The following CEP112 variants were observed in gnomAD, a reference collection of about 807,000 sequenced individuals.
The protein encoded by CEP112 is centrosomal protein of 112 kDa.
In CEP112, 127 loss-of-function variants were observed where a neutral mutation model predicts 153.0. The observed-to-expected ratio is 0.83, with a 90% CI of 0.72 to 0.96. The LOEUF is 0.96. Among genes scored for constraint, CEP112 ranks in the 40% least tolerant of loss-of-function variants. The pLI is 0.00. For missense variants in CEP112, 1,089 were observed against 1,101.2 expected, an observed-to-expected ratio of 0.99 and a Z score of 0.16; for synonymous variants, 358 against 374.4, an observed-to-expected ratio of 0.96 and a Z score of 0.51.
At chr17:65,788,518 T>C (rs1483270300) in intron 21 of CEP112, among the ~76,000 whole-genome samples, 1 of 152,216 alleles carries the variant, frequency 6.6e-6, no homozygotes, top group Non-Finnish European at 1.5e-5. Context: ...CAAAATCATT[T>C]GAGTCTGATG....
At chr17:66,066,250 A>G (rs1355634744) in intron 10 of CEP112, among the ~76,000 whole-genome samples, 2 of 152,162 alleles carry the variant, frequency 1.3e-5, no homozygotes, top group African/African-American at 4.8e-5. Context: ...ACTTGATTAC[A>G]TGCTTTCTTT....
chr17:66,171,920 C>T (rs945555976), intron 4 of CEP112, among the ~76,000 whole-genome samples: 2 of 152,160 alleles, frequency 1.3e-5, no homozygotes, highest in Admixed American at 1.3e-4. Context: ...TCATTCCTCA[C>T]AGTGTGTGAA....
At chr17:65,964,621 T>A (rs2062342040) in intron 17 of CEP112, among the ~76,000 whole-genome samples, 1 of 152,186 alleles carries the variant, frequency 6.6e-6, no homozygotes, top group African/African-American at 2.4e-5. Context: ...TGGTCCCAAT[T>A]GACTGGAAGG....
chr17:65,646,351 G>A (rs562189679), intron 24 of CEP112, among the ~76,000 whole-genome samples: 126 of 152,322 alleles, frequency 8.3e-4, no homozygotes, highest in African/African-American at 3.0e-3. Flanking sequence ...TCATGTGTGA[G>A]TGAGACTGTC....
At chr17:65,952,162 A>G (rs143806625) in intron 18 of CEP112, among the ~76,000 whole-genome samples, 4 of 152,194 alleles carry the variant, frequency 2.6e-5, no homozygotes, top group Non-Finnish European at 5.9e-5. Context: ...AGAATGTTCC[A>G]TGAGTGCCTG....
chr17:65,929,182 G>A (rs770121547), intron 18 of CEP112, among the ~76,000 whole-genome samples: 19 of 152,230 alleles, frequency 1.2e-4, no homozygotes, highest in African/African-American at 3.9e-4. Flanking sequence ...GTACACATAC[G>A]AGTGAATTGT....
intron 24 of CEP112, among the ~76,000 whole-genome samples, chr17:65,642,040 G>A (rs2045167179): frequency 6.6e-6 from 1 of 152,220 alleles, no homozygotes; most frequent in Admixed American, 6.5e-5. Context: ...GGCTAAAGGA[G>A]TGAGTGAGAG....
At chr17:65,720,998 T>C (rs906706033) in intron 23 of CEP112, among the ~76,000 whole-genome samples, 6 of 141,918 alleles carry the variant, frequency 4.2e-5, no homozygotes, top group Non-Finnish European at 7.7e-5. Flanking sequence ...GTTTTATCTC[T>C]CTCTCTCTCT....
intron 15 of CEP112, 41 bp from the exon 16 acceptor site, chr17:66,027,601 A>G (rs774289444): frequency 3.5e-6 from 4 of 1,134,830 alleles, no homozygotes; most frequent in Admixed American, 7.6e-5. Flanking sequence ...ACTTTAAATT[A>G]TACTAGAGTC....
At chr17:65,888,375 G>A (rs1261264254) in intron 20 of CEP112, among the ~76,000 whole-genome samples, 2 of 152,028 alleles carry the variant, frequency 1.3e-5, no homozygotes, top group East Asian at 3.9e-4. Context: ...ATCCTTGCAG[G>A]GGAGGCCTTT....
chr17:65,970,570 A>C (rs1006305685), intron 17 of CEP112, among the ~76,000 whole-genome samples: 7 of 152,078 alleles, frequency 4.6e-5, no homozygotes, highest in African/African-American at 1.4e-4. Flanking sequence ...TACATCTTAC[A>C]TGCAAATTGC....
intron 24 of CEP112, among the ~76,000 whole-genome samples, chr17:65,649,079 C>A (rs1255709816): frequency 0.024 from 2,352 of 97,224 alleles, 55 homozygotes; most frequent in African/African-American, 0.068. Flanking sequence ...AACAAACACA[C>A]ACACACACAC....
chr17:65,705,207 CT>C (rs1370711357), intron 23 of CEP112, among the ~76,000 whole-genome samples: 1 of 152,200 alleles, frequency 6.6e-6, no homozygotes, highest in East Asian at 1.9e-4. Flanking sequence ...TATCATAATG[CT>C]CCAAACTGCA....
intron 23 of CEP112, among the ~76,000 whole-genome samples, chr17:65,722,540 T>C (rs985355609): frequency 6.6e-6 from 1 of 152,222 alleles, no homozygotes; most frequent in Non-Finnish European, 1.5e-5. Context: ...TGACCCACCA[T>C]GCCTGGCCAG....
rs181408653 is a variant in CEP112, at chr17:66,038,304, C to T, written c.1219-8281G>A. Among the ~76,000 whole-genome samples the T allele has an allele frequency of 8.9e-4, 135 of 152,176 alleles. 3 individuals are homozygous for T. Among genetic ancestry groups the T allele is most frequent in the South Asian group, 8.7e-3 (42 of 4,820 alleles). On this transcript the variant is annotated intron_variant, in intron 12 of 26. Transcript: ENST00000535342. ...ACAAATACTTTTGTATATACTGATG[C>T]CAAGTTTCTGACTGAAGAAGCAAAC... is the stretch of plus-strand genomic sequence containing the variant.
chr17:66,047,745 T>C (rs1270781321), intron 12 of CEP112, among the ~76,000 whole-genome samples: 2 of 152,200 alleles, frequency 1.3e-5, no homozygotes, highest in Non-Finnish European at 2.9e-5. Flanking sequence ...AGCAGAAATA[T>C]AAAACTTTAT....
intron 4 of CEP112, among the ~76,000 whole-genome samples, chr17:66,164,623 C>A (rs1028760379): frequency 4.0e-5 from 6 of 148,622 alleles, no homozygotes; most frequent in Non-Finnish European, 7.4e-5. Context: ...TTTGGGAGGC[C>A]GAGGCATATG....
chr17:65,878,597 G>A (rs1043931522), intron 20 of CEP112, among the ~76,000 whole-genome samples: 1 of 152,258 alleles, frequency 6.6e-6, no homozygotes, highest in South Asian at 2.1e-4. Context: ...TCGAGGTGTT[G>A]AGGAATGGAA....
intron 21 of CEP112, among the ~76,000 whole-genome samples, chr17:65,759,372 G>C (rs1311282299): frequency 6.6e-6 from 1 of 152,074 alleles, no homozygotes; most frequent in Non-Finnish European, 1.5e-5. Flanking sequence ...CGAGATCCAA[G>C]AACCCTCTCT....
Sources: allele counts gnomAD v4.1 joint callset (sites outside exome capture counted in the v4.1 genomes callset), GRCh38; gene constraint gnomAD v4.1.1; transcripts MANE v1.5; gene names NCBI Gene and HGNC (gene_info 2026-07-23, HGNC 2026-07-21).